Variants in NCMAP observed in about 807,000 individuals in gnomAD.
The protein encoded by NCMAP is noncompact myelin-associated protein.
Under a neutral mutation model 7.8 loss-of-function variants are expected in NCMAP, and 8 were observed. That is an observed-to-expected ratio of 1.02 (90% confidence interval 0.60 to 1.84). The LOEUF is 1.84. NCMAP is among the 40% of genes most tolerant of loss of function. The probability of loss-of-function intolerance (pLI) is 0.00; values close to 1 mark genes in which losing one functional copy is unlikely to be tolerated. For missense variants in NCMAP, 112 were observed against 131.4 expected (o/e 0.85, Z 0.72); for synonymous variants, 41 against 52.9 (o/e 0.78, Z 0.98).
At chr1:24,557,040 T>C (rs1650915504) in intron 1 of NCMAP, among the ~76,000 whole-genome samples, 2 of 152,268 alleles carry the variant, frequency 1.3e-5, no homozygotes, top group South Asian at 4.1e-4. Context: ...AGATAACTCA[T>C]AAAGTGTTTA....
At chr1:24,602,738 GA>G (rs879803450) in intron 3 of NCMAP, among the ~76,000 whole-genome samples, 5,330 of 143,478 alleles carry the variant, frequency 0.037, 147 homozygotes, top group Middle Eastern at 0.12. Flanking sequence ...CCTGTCTCTG[GA>G]AAAAAAAAAA....
rs1362805943 is a variant in NCMAP at position 24,582,550 on chromosome 1, G to A, written c.-7-12874G>A. On this transcript the variant is annotated intron_variant, in intron 1 of 3. Coordinates refer to ENST00000374392, the MANE Select transcript of NCMAP (RefSeq NM_001010980.5). ...GATGGAAGCAGAGATCAGAGAGAGC[G>A]AGGTAAGACGATGCTACGCTGCTGG... Among the ~76,000 whole-genome samples the A allele has an allele frequency of 2.0e-5, 3 of 152,132 alleles. No individual in the cohort carries two copies. In the East Asian group the frequency reaches 5.8e-4, roughly 29 times the overall value.
rs1251525101 is a variant in NCMAP at position 24,600,994 on chromosome 1, T to A, written c.137T>A (p.Val46Glu). The A allele has an allele frequency of 8.7e-6, 14 of 1,614,048 alleles. No individual in the cohort carries two copies. Among genetic ancestry groups the A allele is most frequent in the Admixed American group, 3.3e-5 (2 of 60,002 alleles). ...VVVVVIIIFTVVLILLKMYNR... is the reference protein window; with the variant it reads ...VVVVVIIIFTEVLILLKMYNR... ...GTGGTTGTCATCATCATCTTCACCG[T>A]GGTTCTGATCCTGCTGAAGATGTAC... Residue 46 changes from valine (V) to glutamate (E), a missense_variant, in exon 3 of 4, where the codon GTG (valine) becomes GAG (glutamate). Val to Glu is a moderately radical substitution (Grantham distance 121, BLOSUM62 -2). Coordinates refer to ENST00000374392, the MANE Select transcript of NCMAP (RefSeq NM_001010980.5).
chr1:24,584,249 C>T (rs898793581), intron 1 of NCMAP, among the ~76,000 whole-genome samples: 7 of 152,172 alleles, frequency 4.6e-5, no homozygotes, highest in African/African-American at 1.4e-4. Flanking sequence ...GAGAGGTAGA[C>T]GGAAGCCACA....
chr1:24,598,880 C>T (rs1039121894), intron 2 of NCMAP, among the ~76,000 whole-genome samples: 13 of 151,278 alleles, frequency 8.6e-5, no homozygotes, highest in Admixed American at 1.3e-4. Flanking sequence ...TCAGGTGATC[C>T]GCCTGCCTCG....
chr1:24,591,817 G>A (rs573014944), intron 1 of NCMAP, among the ~76,000 whole-genome samples: 1 of 152,294 alleles, frequency 6.6e-6, no homozygotes, highest in South Asian at 2.1e-4. Flanking sequence ...GATTAAGGGA[G>A]CACAGAGAAG....
intron 1 of NCMAP, among the ~76,000 whole-genome samples, chr1:24,583,243 CAG>C (rs59867418): frequency 0.25 from 37,726 of 151,904 alleles, 5,232 homozygotes; most frequent in African/African-American, 0.37. Flanking sequence ...ATCTAGTGAG[CAG>C]AGAGGCCAAG....
At chr1:24,601,110 C>A in intron 3 of NCMAP, 86 bp downstream of exon 3, 2 of 1,080,768 alleles carry the variant, frequency 1.9e-6, no homozygotes, top group Non-Finnish European at 2.9e-6. Context: ...GGGTGTCCGT[C>A]GTGTGCCTGG....
intron 1 of NCMAP, among the ~76,000 whole-genome samples, chr1:24,595,010 C>T (rs191254699): frequency 5.5e-4 from 82 of 148,508 alleles, no homozygotes; most frequent in African/African-American, 1.8e-3. Flanking sequence ...GTCACTGCAG[C>T]GTGGAGAAAA....
intron 1 of NCMAP, among the ~76,000 whole-genome samples, chr1:24,594,749 G>C (rs1048087446): frequency 3.9e-5 from 6 of 152,096 alleles, no homozygotes; most frequent in African/African-American, 1.4e-4. Context: ...AATCAGCCAG[G>C]CTTGGTGGCA....
At chr1:24,578,911 A>G (rs183408010) in intron 1 of NCMAP, among the ~76,000 whole-genome samples, 125 of 152,268 alleles carry the variant, frequency 8.2e-4, no homozygotes, top group Non-Finnish European at 1.4e-3. Flanking sequence ...AAACTCTCCA[A>G]CAGAAGAGAA....
chr1:24,597,554 AAGGGGG>A (rs1652274721), intron 2 of NCMAP, among the ~76,000 whole-genome samples: 1 of 41,074 alleles, frequency 2.4e-5, no homozygotes, highest in Non-Finnish European at 4.4e-5. Flanking sequence ...GGGGGAGGAG[AAGGGGG>A]GGAGGTTCTC....
chr1:24,574,691 G>T (rs1651493794), intron 1 of NCMAP, among the ~76,000 whole-genome samples: 1 of 151,972 alleles, frequency 6.6e-6, no homozygotes, highest in Non-Finnish European at 1.5e-5. Context: ...AACATCAGGG[G>T]CCCAGTAGAC....
intron 1 of NCMAP, among the ~76,000 whole-genome samples, chr1:24,577,777 C>T (rs554048031): frequency 6.6e-5 from 10 of 151,872 alleles, no homozygotes; most frequent in African/African-American, 2.2e-4. Context: ...AACCTCAGTT[C>T]GAGCTTTTGG....
rs11368502 is a variant in NCMAP, at chr1:24,565,144, C to CTT, written c.-8+8989_-8+8990dup. On this transcript the variant is annotated intron_variant, in intron 1 of 3. Coordinates refer to ENST00000374392, the MANE Select transcript of NCMAP (RefSeq NM_001010980.5). Reference sequence around the variant, plus strand: ...TTAGGCAGGAGGGGATTTTATACACCTTTTTTTTTTTTTTTAATGTAGGAA... The same window carrying CTT: ...TTAGGCAGGAGGGGATTTTATACACCTTTTTTTTTTTTTTTTTAATGTAGGAA... Among the ~76,000 whole-genome samples, 175 of 142,658 alleles carry CTT rather than the reference C, an allele frequency of 1.2e-3. 3 individuals are homozygous for CTT. Among genetic ancestry groups the CTT allele is most frequent in the East Asian group, 4.3e-3 (21 of 4,902 alleles). The allele number at this position is 142,658 out of a possible 152,430, so 93.6% of individuals were successfully genotyped here. A position where few individuals can be genotyped will look rare whatever the true frequency, so the allele number is the denominator to read the frequency against.
At chr1:24,603,222 T>C (rs59151236) in intron 3 of NCMAP, among the ~76,000 whole-genome samples, 8,210 of 152,136 alleles carry the variant, frequency 0.054, 759 homozygotes, top group African/African-American at 0.19. Flanking sequence ...TTTGTAGGTA[T>C]AGAAACAGAT....
At chr1:24,579,719 A>C (rs1244580187) in intron 1 of NCMAP, among the ~76,000 whole-genome samples, 1 of 152,196 alleles carries the variant, frequency 6.6e-6, no homozygotes, top group Non-Finnish European at 1.5e-5. Flanking sequence ...ACAGGGTGAG[A>C]CCTTGTTTCA....
chr1:24,575,353 A>G (rs6682641), intron 1 of NCMAP, among the ~76,000 whole-genome samples: 99,792 of 151,958 alleles, frequency 0.66, 33,155 homozygotes, highest in African/African-American at 0.75. Context: ...ACGCTGGGAG[A>G]GCCCCACAGA....
In NCMAP at chr1:24,600,868, C is replaced by G. The variant is rs531261824; in HGVS notation, c.83-72C>G. On this transcript the variant is annotated intron_variant, in intron 2 of 3. Coordinates refer to ENST00000374392, the MANE Select transcript of NCMAP (RefSeq NM_001010980.5). ...CTTGACCTAGTGAGGATGTCAGGTG[C>G]CACAGCAGGGCGCCCTCCTGGTCTG... 58 of 1,315,116 alleles carry G rather than the reference C, an allele frequency of 4.4e-5. No individual in the cohort carries two copies. The South Asian group carries it at 6.7e-4, about 15-fold the overall frequency. 81.5% of individuals were successfully genotyped at this position (1,315,116 alleles called of 1,614,324 possible).
Sources: allele counts gnomAD v4.1 joint callset (sites outside exome capture counted in the v4.1 genomes callset), GRCh38; gene constraint gnomAD v4.1.1; transcripts MANE v1.5; gene names NCBI Gene and HGNC (gene_info 2026-07-23, HGNC 2026-07-21).